Variants in MYL12A observed in about 807,000 individuals in gnomAD.
MYL12A encodes the protein myosin light chain 12A, also known as myosin regulatory light chain 12A.
Under a neutral mutation model 13.3 loss-of-function variants are expected in MYL12A, and 11 were observed. The observed-to-expected ratio is 0.83, with a 90% confidence interval of 0.52 to 1.37. MYL12A has a LOEUF of 1.37. Among genes scored for constraint, MYL12A ranks in the 40% most tolerant of loss-of-function variants. The pLI, the probability that MYL12A is intolerant of heterozygous loss-of-function variation, is 0.00. For synonymous variants in MYL12A, 51 were observed against 69.9 expected (o/e 0.73, Z 1.35); for missense variants, 146 against 212.3 (o/e 0.69, Z 1.94).
intron 1 of MYL12A, among the ~76,000 whole-genome samples, chr18:3,250,369 C>CAT (rs75538471): frequency 0.15 from 22,742 of 152,128 alleles, 1,792 homozygotes; most frequent in East Asian, 0.26. Flanking sequence ...AAACTAGAAT[C>CAT]AGCAAAGAGG....
At chr18:3,251,810 G>T (rs751546196) in intron 1 of MYL12A, among the ~76,000 whole-genome samples, 12 of 152,126 alleles carry the variant, frequency 7.9e-5, no homozygotes, top group African/African-American at 2.4e-5. Flanking sequence ...CATAACTTCT[G>T]TGCTATGTAG....
At chr18:3,254,634 A>G (rs1405148435) in intron 3 of MYL12A, among the ~76,000 whole-genome samples, 1 of 152,226 alleles carries the variant, frequency 6.6e-6, no homozygotes, top group African/African-American at 2.4e-5. Context: ...GGTTGTTGTG[A>G]GAATTAAGTG....
intron 1 of MYL12A, chr18:3,249,732 A>ACC (rs2144322410): frequency 6.6e-6 from 1 of 152,162 alleles, no homozygotes; most frequent in Admixed American, 6.6e-5. Context: ...AGGTGGTGAA[A>ACC]CCCCGTCTCT....
chr18:3,253,560 G>C, intron 2 of MYL12A, 132 bp downstream of exon 2: 3 of 1,182,332 alleles, frequency 2.5e-6, no homozygotes, highest in Non-Finnish European at 2.4e-6. Flanking sequence ...GTGTGGAACA[G>C]TGTTTCCCAC....
chr18:3,253,848 TTGTAA>T lies in MYL12A; in HGVS notation c.182-34_182-30del, dbSNP rs749634401. On this transcript the variant is annotated intron_variant, in intron 2 of 3. Transcript: ENST00000217652. ...TACTGTCATTAATAGTTGATATGTA[TTGTAA>T]TGTAATTAAAATTATGACCCCTTTT... is the stretch of plus-strand genomic sequence containing the variant. 2.4e-5 allele frequency: 38 copies of T among 1,555,020 alleles called. No homozygotes were observed. The South Asian group carries it at 2.8e-4, about 11-fold the overall frequency.
intron 1 of MYL12A, among the ~76,000 whole-genome samples, chr18:3,249,031 T>C (rs2081458269): frequency 6.6e-6 from 1 of 152,140 alleles, no homozygotes; most frequent in Admixed American, 6.5e-5. Context: ...TTTTGTAAGA[T>C]GGTGGTTTTT....
intron 1 of MYL12A, chr18:3,252,390 T>G: frequency 2.0e-6 from 3 of 1,501,170 alleles, no homozygotes; most frequent in Non-Finnish European, 2.7e-6. Context: ...TTGTAGTTTT[T>G]AACAGATTGA....
Position 3,256,044 on chromosome 18 carries a change from C to A in MYL12A, c.*126C>A. The A allele has an allele frequency of 8.1e-7, 1 of 1,236,790 alleles. No homozygotes were observed. The highest frequency in any genetic ancestry group is 1.4e-5 in the South Asian group (1 of 69,548). The allele number at this position is 1,236,790 out of a possible 1,614,324, so 76.6% of individuals were successfully genotyped here. A position where few individuals can be genotyped will look rare whatever the true frequency, so the allele number is the denominator to read the frequency against. On this transcript the variant is annotated 3_prime_UTR_variant, in exon 4 of 4. Transcript: ENST00000217652. ...TGTATTTATTCTCAGCCATTTTGGGCATATGTATCTTTATAATCAGACTGG... is the reference window on the plus strand; with the variant it reads ...TGTATTTATTCTCAGCCATTTTGGGAATATGTATCTTTATAATCAGACTGG...
At chr18:3,248,330 G>C (rs560884200) in intron 1 of MYL12A, 2 of 152,222 alleles carry the variant, frequency 1.3e-5, no homozygotes, top group Non-Finnish European at 2.9e-5. Context: ...CTCAAATTGG[G>C]AAGTTCTTCA....
chr18:3,254,412 T>C (rs2081517865), intron 3 of MYL12A, among the ~76,000 whole-genome samples: 1 of 152,238 alleles, frequency 6.6e-6, no homozygotes, highest in Admixed American at 6.5e-5. Context: ...TGTATATGTT[T>C]ACCAGGTATC....
At chr18:3,249,027 AAG>A (rs2081458239) in intron 1 of MYL12A, among the ~76,000 whole-genome samples, 1 of 152,158 alleles carries the variant, frequency 6.6e-6, no homozygotes, top group Non-Finnish European at 1.5e-5. Flanking sequence ...AGTGTTTTGT[AAG>A]ATGGTGGTTT....
chr18:3,254,145 G>A, intron 3 of MYL12A, 95 bp downstream of exon 3: 2 of 1,385,260 alleles, frequency 1.4e-6, no homozygotes, highest in Non-Finnish European at 2.0e-6. Flanking sequence ...ACGCTCTCAG[G>A]TTTGTACTAC....
At chr18:3,253,772 T>G in intron 2 of MYL12A, 117 bp from the exon 3 acceptor site, 1 of 1,153,874 alleles carries the variant, frequency 8.7e-7, no homozygotes, top group Non-Finnish European at 1.2e-6. Context: ...TTCACTCTCA[T>G]GAGTGCAAAC....
chr18:3,252,372 A>G (rs2081494945), intron 1 of MYL12A: 1 of 1,524,472 alleles, frequency 6.6e-7, no homozygotes, highest in Admixed American at 2.0e-5. Context: ...TTAACTTGAA[A>G]CAAATTTTTG....
intron 3 of MYL12A, 78 bp from the exon 4 acceptor site, chr18:3,255,668 C>T (rs2081529550): frequency 2.0e-6 from 3 of 1,479,740 alleles, no homozygotes; most frequent in East Asian, 4.6e-5. Context: ...ACAGAACATG[C>T]TTAGTCAAGT....
At chr18:3,247,768 A>T (rs1195496563), upstream of MYL12A, 2 of 152,232 alleles carry the variant, frequency 1.3e-5, no homozygotes. Context: ...TCTGCGGGCC[A>T]AGAAAGGTGA....
At chr18:3,248,877 C>T (rs1405021996) in intron 1 of MYL12A, among the ~76,000 whole-genome samples, 1 of 151,844 alleles carries the variant, frequency 6.6e-6, no homozygotes, top group East Asian at 1.9e-4. Flanking sequence ...ACTTGAAATA[C>T]ACTTTTTAAA....
At chr18:3,253,052 A>T (rs1190077242) in intron 1 of MYL12A, among the ~76,000 whole-genome samples, 181 bp from the exon 2 acceptor site, 14 of 152,180 alleles carry the variant, frequency 9.2e-5, no homozygotes, top group Non-Finnish European at 5.9e-5. Flanking sequence ...GTTGTTAGTT[A>T]TATAGCAGTA....
intron 1 of MYL12A, among the ~76,000 whole-genome samples, chr18:3,251,809 T>G (rs1272216222): frequency 6.6e-6 from 1 of 152,218 alleles, no homozygotes; most frequent in Non-Finnish European, 1.5e-5. Context: ...TCATAACTTC[T>G]GTGCTATGTA....
Sources: gnomAD v4.1 joint callset for allele counts (sites outside exome capture counted in the v4.1 genomes callset) on GRCh38, gnomAD v4.1.1 for gene constraint, MANE v1.5 for transcripts, NCBI Gene and HGNC (gene_info 2026-07-23, HGNC 2026-07-21) for gene names.